Variants in ATP11B observed in about 807,000 individuals in gnomAD.
ATP11B encodes the protein ATPase phospholipid transporting 11B (putative).
ATP11B carries 81 observed loss-of-function variants against 157.8 expected under a neutral mutation model. That is an observed-to-expected ratio of 0.51 (90% CI 0.43 to 0.62). The LOEUF (loss-of-function observed/expected upper bound fraction) is 0.62. ATP11B is among the 20% of genes least tolerant of loss of function. The pLI is 0.00. For missense variants in ATP11B, 1,165 were observed against 1,402.2 expected (o/e 0.83, Z 2.70); for synonymous variants, 451 against 469.4 (o/e 0.96, Z 0.51).
intron 28 of ATP11B, among the ~76,000 whole-genome samples, chr3:182,900,819 G>A (rs997951199): frequency 2.6e-5 from 4 of 152,100 alleles, no homozygotes; most frequent in African/African-American, 4.8e-5. Context: ...GCCGAGGCGG[G>A]TGGATGGCTT....
intron 11 of ATP11B, 57 bp downstream of exon 11, chr3:182,858,085 G>A: frequency 6.8e-7 from 1 of 1,481,100 alleles, no homozygotes; most frequent in South Asian, 1.2e-5. Flanking sequence ...GGCACGATTA[G>A]TGCTTTGGTA....
At chr3:182,795,597 T>C (rs914547616) in intron 1 of ATP11B, among the ~76,000 whole-genome samples, 1 of 152,218 alleles carries the variant, frequency 6.6e-6, no homozygotes, top group African/African-American at 2.4e-5. Context: ...GCATAAAAAA[T>C]GCTATCTCTG....
At chr3:182,841,422 G>A (rs758167646) in intron 7 of ATP11B, among the ~76,000 whole-genome samples, 29 of 152,158 alleles carry the variant, frequency 1.9e-4, no homozygotes, top group African/African-American at 4.3e-4. Flanking sequence ...TGTATTTGTC[G>A]ACAGTTGATA....
intron 1 of ATP11B, among the ~76,000 whole-genome samples, chr3:182,810,286 G>A (rs1346136683): frequency 6.6e-6 from 1 of 151,968 alleles, no homozygotes; most frequent in Non-Finnish European, 1.5e-5. Flanking sequence ...GAGCCGAGAT[G>A]GCACCACTGC....
At chr3:182,843,612 A>C (rs1449984216) in intron 8 of ATP11B, 1 of 152,156 alleles carries the variant, frequency 6.6e-6, no homozygotes, top group South Asian at 2.1e-4. Flanking sequence ...ATGGCTCCTA[A>C]ATGAAAGGCT....
At chr3:182,840,687 C>T (rs887873616) in intron 7 of ATP11B, among the ~76,000 whole-genome samples, 1 of 152,160 alleles carries the variant, frequency 6.6e-6, no homozygotes, top group Non-Finnish European at 1.5e-5. Context: ...CATCTCCTCT[C>T]CCTTCGTCTT....
intron 27 of ATP11B, 50 bp from the exon 28 acceptor site, chr3:182,898,557 T>A (rs766959771): frequency 1.3e-6 from 2 of 1,505,728 alleles, no homozygotes; most frequent in Non-Finnish European, 1.8e-6. Flanking sequence ...ATGTCCTGAT[T>A]TAAGTCTTTC....
At chr3:182,907,386 A>G (rs959292972) in intron 28 of ATP11B, among the ~76,000 whole-genome samples, 1 of 152,216 alleles carries the variant, frequency 6.6e-6, no homozygotes, top group African/African-American at 2.4e-5. Context: ...TAACCACACT[A>G]TAAATCAGAC....
At chr3:182,871,345 A>T (rs1468273289) in intron 17 of ATP11B, among the ~76,000 whole-genome samples, 2 of 152,244 alleles carry the variant, frequency 1.3e-5, no homozygotes, top group Non-Finnish European at 2.9e-5. Flanking sequence ...AGGAAAATGC[A>T]TGTAGCAAGA....
At chr3:182,829,950 C>T in intron 4 of ATP11B, 198 bp downstream of exon 4, 1 of 985,168 alleles carries the variant, frequency 1.0e-6, no homozygotes, top group Non-Finnish European at 1.2e-6. Flanking sequence ...GAATGATTAA[C>T]ATCGTTAAAA....
At chr3:182,814,442 T>G (rs1560059779) in intron 1 of ATP11B, among the ~76,000 whole-genome samples, 1 of 152,188 alleles carries the variant, frequency 6.6e-6, no homozygotes, top group Admixed American at 6.5e-5. Flanking sequence ...CTAGAGAATT[T>G]AATCCATTGA....
chr3:182,798,899 A>T (rs1576939836), intron 1 of ATP11B, among the ~76,000 whole-genome samples: 2 of 152,364 alleles, frequency 1.3e-5, no homozygotes, highest in East Asian at 1.9e-4. Context: ...ATTAAATGCT[A>T]CTTGTTTATT....
chr3:182,819,663 G>T (rs1403524227), intron 1 of ATP11B, among the ~76,000 whole-genome samples: 1 of 152,282 alleles, frequency 6.6e-6, no homozygotes, highest in African/African-American at 2.4e-5. Context: ...TGATTGTGTG[G>T]AATGAGTCTG....
chr3:182,906,594 T>C (rs1327250913), intron 28 of ATP11B, among the ~76,000 whole-genome samples: 2 of 151,916 alleles, frequency 1.3e-5, no homozygotes, highest in African/African-American at 4.8e-5. Context: ...GAACTACAGG[T>C]GCATCCCACC....
intron 25 of ATP11B, among the ~76,000 whole-genome samples, chr3:182,894,383 T>A (rs1723378920): frequency 6.6e-6 from 1 of 152,072 alleles, no homozygotes; most frequent in African/African-American, 2.4e-5. Context: ...ACAGGGTTTC[T>A]CTATGTTGGT....
chr3:182,921,590 T>G lies in ATP11B; in HGVS notation c.*3486T>G, dbSNP rs1177220470. On this transcript the variant is annotated 3_prime_UTR_variant, in exon 30 of 30. Transcript: ENST00000323116. ...CAGCTACTCATAATTTTTTAAAGTTTATGAAGTTATATTTATCAAATAAAA... is the reference window on the plus strand; with the variant it reads ...CAGCTACTCATAATTTTTTAAAGTTGATGAAGTTATATTTATCAAATAAAA... 10 of 152,352 alleles carry G rather than the reference T, an allele frequency of 6.6e-5. No individual in the cohort carries two copies. Among genetic ancestry groups the G allele is most frequent in the South Asian group, 6.2e-4 (3 of 4,832 alleles). 9.4% of individuals were successfully genotyped at this position (152,352 alleles called of 1,614,324 possible).
rs1725270371 is a variant in ATP11B, at chr3:182,918,355, T to C, written c.*251T>C. On this transcript the variant is annotated 3_prime_UTR_variant, in exon 30 of 30. Transcript: ENST00000323116. ...ATTTTTCATCTCTTTGTCTGGTTTG[T>C]CCCTTGTGCTTATGGGACTCCTAAT... is the stretch of plus-strand genomic sequence containing the variant. 1 of 459,530 alleles carries C rather than the reference T, an allele frequency of 2.2e-6. No homozygotes were observed. The highest frequency in any genetic ancestry group is 3.7e-6 in the Non-Finnish European group (1 of 270,894). 28.5% of individuals were successfully genotyped at this position (459,530 alleles called of 1,614,324 possible).
rs1268583720 is a variant in ATP11B, at chr3:182,835,890, TACCTATGA to T, written c.316-144_316-137del. On this transcript the variant is annotated intron_variant, in intron 4 of 29. Transcript: ENST00000323116. ...GTTTCCAGTAGGAACAAATATCAGA[TACCTATGA>T]GCATGTGCATCCAAATAGCCTCATA... The T allele has an allele frequency of 7.5e-6, 4 of 530,114 alleles. No homozygotes were observed. In the African/African-American group the frequency reaches 7.9e-5, roughly 10 times the overall value. 32.8% of individuals were successfully genotyped at this position (530,114 alleles called of 1,614,324 possible).
intron 28 of ATP11B, among the ~76,000 whole-genome samples, chr3:182,908,191 A>ATTTTAT (rs1724508207): frequency 1.0e-5 from 1 of 95,940 alleles, no homozygotes; most frequent in Non-Finnish European, 2.1e-5. Flanking sequence ...TCATATTATT[A>ATTTTAT]TTTTCTTTTT....
Sources: allele counts gnomAD v4.1 joint callset (sites outside exome capture counted in the v4.1 genomes callset), GRCh38; gene constraint gnomAD v4.1.1; transcripts MANE v1.5; gene names NCBI Gene and HGNC (gene_info 2026-07-23, HGNC 2026-07-21).